Variants in PPP1R14C observed in about 807,000 individuals in gnomAD.
PPP1R14C encodes protein phosphatase 1 regulatory inhibitor subunit 14C, also known as protein phosphatase 1 regulatory subunit 14C.
In PPP1R14C, 16 loss-of-function variants were observed where a neutral mutation model predicts 20.4. That is an observed-to-expected ratio of 0.78 (90% confidence interval 0.53 to 1.19). PPP1R14C has a LOEUF of 1.19. Ranked by LOEUF, PPP1R14C falls within the 50% of genes most tolerant of loss-of-function variation. The probability of loss-of-function intolerance (pLI) is 0.00; values close to 1 mark genes in which losing one functional copy is unlikely to be tolerated. For synonymous variants in PPP1R14C, 91 were observed against 91.0 expected (o/e 1.00, Z 0.00); for missense variants, 211 against 220.1 (o/e 0.96, Z 0.26).
intron 1 of PPP1R14C, among the ~76,000 whole-genome samples, chr6:150,191,465 G>A (rs1209178898): frequency 2.6e-5 from 4 of 152,170 alleles, no homozygotes; most frequent in Non-Finnish European, 4.4e-5. Context: ...AACAGTTCTC[G>A]AAATTGGGAG....
chr6:150,244,060 G>T (rs964440761), intron 3 of PPP1R14C, among the ~76,000 whole-genome samples: 3 of 152,078 alleles, frequency 2.0e-5, no homozygotes, highest in Non-Finnish European at 4.4e-5. Flanking sequence ...TTTTGGAGGT[G>T]TTGGATGTTT....
intron 1 of PPP1R14C, chr6:150,195,915 T>A (rs1562266401): frequency 2.0e-6 from 2 of 985,398 alleles, no homozygotes; most frequent in Non-Finnish European, 2.4e-6. Flanking sequence ...GGGCAGTGAT[T>A]GGCCTGAATG....
At chr6:150,197,624 C>T (rs918378184) in intron 1 of PPP1R14C, among the ~76,000 whole-genome samples, 2 of 152,262 alleles carry the variant, frequency 1.3e-5, no homozygotes, top group Non-Finnish European at 2.9e-5. Flanking sequence ...GAAAGCACCT[C>T]CTGTTTTCCA....
At chr6:150,243,953 T>A (rs1420035716) in intron 3 of PPP1R14C, among the ~76,000 whole-genome samples, 1 of 152,136 alleles carries the variant, frequency 6.6e-6, no homozygotes, top group Non-Finnish European at 1.5e-5. Context: ...TATGTAAAAC[T>A]CTGGAGAAGG....
chr6:150,207,121 C>T (rs1241351991), intron 1 of PPP1R14C, among the ~76,000 whole-genome samples: 1 of 152,124 alleles, frequency 6.6e-6, no homozygotes, highest in African/African-American at 2.4e-5. Context: ...CCTCGATCTC[C>T]CAAAGTGCTG....
chr6:150,194,731 G>A (rs775981820), intron 1 of PPP1R14C: 13 of 985,220 alleles, frequency 1.3e-5, no homozygotes, highest in Non-Finnish European at 1.6e-5. Context: ...AAACGTAAAA[G>A]AGGCTCTTAT....
chr6:150,194,598 T>G, intron 1 of PPP1R14C: 2 of 979,828 alleles, frequency 2.0e-6, no homozygotes, highest in Non-Finnish European at 2.4e-6. Flanking sequence ...AGTGTTTTAT[T>G]TAAAATATTT....
In PPP1R14C at chr6:150,144,236, G is replaced by C. The variant is rs144538783; in HGVS notation, c.306+738G>C. 2.8e-3 allele frequency among the ~76,000 whole-genome samples: 431 copies of C among 152,298 alleles called. 5 individuals are homozygous for C. Among genetic ancestry groups the C allele is most frequent in the African/African-American group, 9.6e-3 (401 of 41,572 alleles). ...GGTGGAAGGGCGGGAGCCCTGCGGGGGGCCTGCGGGATCCCGGGATCTGTC... is the reference window on the plus strand; with the variant it reads ...GGTGGAAGGGCGGGAGCCCTGCGGGCGGCCTGCGGGATCCCGGGATCTGTC... On this transcript the variant is annotated intron_variant, in intron 1 of 3. Transcript: ENST00000361131.
In PPP1R14C at chr6:150,143,474, G is replaced by C; in HGVS notation, c.282G>C (p.Gln94His). 6.2e-7 allele frequency: 1 copy of C among 1,603,150 alleles called. No individual in the cohort carries two copies. Among genetic ancestry groups the C allele is most frequent in the Non-Finnish European group, 8.5e-7 (1 of 1,175,420 alleles). The change falls in exon 1 of 4, where the codon CAG becomes CAC. Residue 94 changes from glutamine to histidine, a missense_variant. Transcript: ENST00000361131. This position sits in a 1 kb window ranked among gnomAD's most constrained non-coding sequence, Gnocchi z 5.6. ...RLVLEEWIVE[Q>H]LGQLYGCEEE... ...TGCTGGAGGAATGGATCGTGGAGCA[G>C]CTGGGTCAGCTCTACGGCTGCGAGG...
At chr6:150,144,114 T>C (rs922966123) in intron 1 of PPP1R14C, among the ~76,000 whole-genome samples, 1 of 152,254 alleles carries the variant, frequency 6.6e-6, no homozygotes, top group African/African-American at 2.4e-5. Flanking sequence ...CTGCACACGT[T>C]GTGCTTTGTT....
intron 3 of PPP1R14C, among the ~76,000 whole-genome samples, chr6:150,220,017 G>A (rs561161975): frequency 6.6e-6 from 1 of 152,008 alleles, no homozygotes; most frequent in South Asian, 2.1e-4. Flanking sequence ...CACCATGCCT[G>A]GCTAATTTTT....
At chr6:150,192,755 G>T (rs1009313929) in intron 1 of PPP1R14C, among the ~76,000 whole-genome samples, 2 of 152,244 alleles carry the variant, frequency 1.3e-5, no homozygotes, top group African/African-American at 4.8e-5. Flanking sequence ...GCCGGAGTCA[G>T]ATGGTGGCTG....
chr6:150,238,666 T>C (rs1355978799), intron 3 of PPP1R14C, among the ~76,000 whole-genome samples: 1 of 152,238 alleles, frequency 6.6e-6, no homozygotes, highest in Non-Finnish European at 1.5e-5. Flanking sequence ...TGGGAGCTCC[T>C]GGAAGGCAGG....
rs1477007239 is a variant in PPP1R14C, at chr6:150,222,103, A to G, written c.423+5247A>G. Among the ~76,000 whole-genome samples the G allele has an allele frequency of 4.6e-5, 7 of 152,300 alleles. No individual in the cohort carries two copies. In the South Asian group the frequency reaches 8.3e-4, roughly 18 times the overall value. ...TATGAGCCGCCAAGCCTGACCCACAATGATAATTTTAGTGGTGGTAACGAT... is the reference window on the plus strand; with the variant it reads ...TATGAGCCGCCAAGCCTGACCCACAGTGATAATTTTAGTGGTGGTAACGAT... On this transcript the variant is annotated intron_variant, in intron 3 of 3. Transcript: ENST00000361131.
rs1277304275 is a variant in PPP1R14C, at chr6:150,248,790, A to G, written c.468A>G (p.Lys156=). 6.2e-7 allele frequency: 1 copy of G among 1,613,344 alleles called. No homozygotes were observed. The highest frequency in any genetic ancestry group is 1.3e-5 in the African/African-American group (1 of 74,900). The change falls in exon 4 of 4, where the codon AAA becomes AAG. Residue 156 remains lysine, a synonymous_variant. Coordinates refer to ENST00000361131, the MANE Select transcript of PPP1R14C (RefSeq NM_030949.3). ...TTTCTCGGATAAGAGGCATGAGGAA[A>G]CTGAGCCCTCCGCAGAAGAAGAGTG... ...ELLSRIRGMR[K]LSPPQKKSV
At chr6:150,147,920 A>G in intron 1 of PPP1R14C, among the ~76,000 whole-genome samples, 1 of 152,158 alleles carries the variant, frequency 6.6e-6, no homozygotes, top group East Asian at 1.9e-4. Flanking sequence ...ATACATCTGG[A>G]TATATAGATT....
intron 1 of PPP1R14C, among the ~76,000 whole-genome samples, chr6:150,179,075 C>T (rs534448798): frequency 2.7e-4 from 41 of 152,088 alleles, no homozygotes; most frequent in Non-Finnish European, 4.7e-4. Flanking sequence ...AGGCCTGGAA[C>T]CAACCTGGGA....
intron 3 of PPP1R14C, among the ~76,000 whole-genome samples, chr6:150,239,614 G>A (rs1223421136): frequency 6.6e-6 from 1 of 152,196 alleles, no homozygotes; most frequent in Non-Finnish European, 1.5e-5. Context: ...ACATATAGCA[G>A]TAAATGTCTG....
intron 1 of PPP1R14C, among the ~76,000 whole-genome samples, chr6:150,146,413 A>G (rs1413318706): frequency 6.6e-6 from 1 of 152,226 alleles, no homozygotes; most frequent in Non-Finnish European, 1.5e-5. Context: ...ACATTTGTAT[A>G]AAATTTCTTC....
Sources: allele counts gnomAD v4.1 joint callset (sites outside exome capture counted in the v4.1 genomes callset), GRCh38; gene constraint gnomAD v4.1.1; non-coding constraint Gnocchi (gnomAD v3.1); transcripts MANE v1.5; gene names NCBI Gene and HGNC (gene_info 2026-07-23, HGNC 2026-07-21).